TTC6: variants seen among roughly 807,000 people sequenced by gnomAD.
The protein encoded by TTC6 is tetratricopeptide repeat protein 6.
In TTC6, 172 loss-of-function variants were observed where a neutral mutation model predicts 210.4. The ratio of observed to expected loss-of-function variants is 0.82; its 90% CI spans 0.72 to 0.93. The LOEUF (loss-of-function observed/expected upper bound fraction) is 0.93, where lower values mean the gene tolerates loss of function less well. Among genes scored for constraint, TTC6 ranks in the 40% least tolerant of loss-of-function variants. TTC6 has a pLI of 0.00. For missense variants in TTC6, 2,414 were observed against 2,318.1 expected (o/e 1.04, Z -0.85); for synonymous variants, 804 against 819.6 (o/e 0.98, Z 0.32).
upstream of TTC6, among the ~76,000 whole-genome samples, chr14:37,619,080 T>C (rs1421301058): frequency 6.6e-6 from 1 of 152,196 alleles, no homozygotes; most frequent in African/African-American, 2.4e-5. Flanking sequence ...GGGGGGATTA[T>C]ACAGCATTTT....
At chr14:37,694,885 A>T (rs1343398830) in intron 3 of TTC6, among the ~76,000 whole-genome samples, 2 of 151,936 alleles carry the variant, frequency 1.3e-5, no homozygotes, top group Admixed American at 6.6e-5. Flanking sequence ...CTACAAAAAT[A>T]CAAAAATTAG....
chr14:37,643,733 C>T (rs1196895888), intron 1 of TTC6, among the ~76,000 whole-genome samples: 2 of 152,106 alleles, frequency 1.3e-5, no homozygotes, highest in African/African-American at 4.8e-5. Flanking sequence ...TATAATAAAG[C>T]CAGACCTCAT....
At chr14:37,710,685 A>G (rs1199214412) in intron 5 of TTC6, among the ~76,000 whole-genome samples, 2 of 152,184 alleles carry the variant, frequency 1.3e-5, no homozygotes, top group African/African-American at 4.8e-5. Flanking sequence ...AAGAGGAAAC[A>G]TAGCACAGTG....
chr14:37,712,729 A>G (rs559391964), intron 5 of TTC6, among the ~76,000 whole-genome samples: 1 of 152,288 alleles, frequency 6.6e-6, no homozygotes, highest in Non-Finnish European at 1.5e-5. Flanking sequence ...CATCACGAGA[A>G]CAGCACTATG....
intron 2 of TTC6, among the ~76,000 whole-genome samples, chr14:37,610,662 C>A (rs2139248126): frequency 6.6e-6 from 1 of 152,262 alleles, no homozygotes; most frequent in South Asian, 2.1e-4. Context: ...AACTAGCATC[C>A]CGACTGCCGT....
At position 37,666,073 on chromosome 14, in the gene TTC6, A is replaced by G. The variant is rs553135179; in HGVS notation, c.940-14078A>G. Reference sequence around the variant, plus strand: ...TGATTTTAGATCATCCATCTATATTATACTGCAACTTGCAAAAGCAGTGAT... The same window carrying G: ...TGATTTTAGATCATCCATCTATATTGTACTGCAACTTGCAAAAGCAGTGAT... On this transcript the variant is annotated intron_variant, in intron 1 of 30. Transcript: ENST00000553443. Among the ~76,000 whole-genome samples the G allele has an allele frequency of 1.9e-3, 294 of 150,798 alleles. 14 individuals are homozygous for G. Among genetic ancestry groups the G allele is most frequent in the Non-Finnish European group, 2.5e-3 (165 of 67,150 alleles).
intron 29 of TTC6, among the ~76,000 whole-genome samples, chr14:37,835,754 A>G (rs2096196355): frequency 6.6e-6 from 1 of 152,216 alleles, no homozygotes; most frequent in Non-Finnish European, 1.5e-5. Context: ...AGAGTGTAAC[A>G]ACATTAAGTC....
intron 1 of TTC6, among the ~76,000 whole-genome samples, chr14:37,599,033 C>A (rs973165038): frequency 1.3e-5 from 2 of 151,552 alleles, no homozygotes; most frequent in African/African-American, 4.9e-5. Flanking sequence ...TCAAAGCCGA[C>A]CCCAACTGGG....
At chr14:37,702,247 C>T (rs1370855753) in intron 5 of TTC6, among the ~76,000 whole-genome samples, 1 of 152,136 alleles carries the variant, frequency 6.6e-6, no homozygotes, top group Non-Finnish European at 1.5e-5. Flanking sequence ...AAGTTCTTAT[C>T]TCTTGATAGT....
chr14:37,719,024 A>G (rs80108809), intron 6 of TTC6, among the ~76,000 whole-genome samples: 1 of 152,126 alleles, frequency 6.6e-6, no homozygotes, highest in Non-Finnish European at 1.5e-5. Context: ...TACAAAAAAA[A>G]CCATGAATAA....
At chr14:37,623,747 C>A (rs34879326) in intron 1 of TTC6, among the ~76,000 whole-genome samples, 18,044 of 152,188 alleles carry the variant, frequency 0.12, 1,253 homozygotes, top group East Asian at 0.27. Flanking sequence ...ATCCAAGACA[C>A]TGAGCTGGAA....
chr14:37,784,886 T>A (rs982592600), intron 14 of TTC6, among the ~76,000 whole-genome samples: 40 of 152,312 alleles, frequency 2.6e-4, no homozygotes, highest in African/African-American at 7.2e-4. Context: ...TTTGAAGCTT[T>A]GTTTGGCTGG....
chr14:37,646,396 A>G (rs1282058106), intron 1 of TTC6, among the ~76,000 whole-genome samples: 3 of 151,852 alleles, frequency 2.0e-5, no homozygotes, highest in Admixed American at 1.3e-4. Flanking sequence ...ATCAGAACAT[A>G]TTCAGTTTCT....
chr14:37,624,744 C>T (rs894602310), intron 1 of TTC6, among the ~76,000 whole-genome samples: 4 of 152,030 alleles, frequency 2.6e-5, no homozygotes, highest in Non-Finnish European at 5.9e-5. Flanking sequence ...GCCTCAGCCT[C>T]CCAAGTAGCT....
chr14:37,689,965 C>A (rs1489491037), intron 3 of TTC6, among the ~76,000 whole-genome samples: 1 of 151,970 alleles, frequency 6.6e-6, no homozygotes, highest in East Asian at 1.9e-4. Flanking sequence ...AATAGAGAGA[C>A]TAAATGATTA....
chr14:37,702,388 AT>A (rs2095827201), intron 5 of TTC6, among the ~76,000 whole-genome samples: 1 of 152,010 alleles, frequency 6.6e-6, no homozygotes, highest in Non-Finnish European at 1.5e-5. Flanking sequence ...GATATACTGT[AT>A]ATCTGTTTAT....
At chr14:37,831,757 C>T (rs57707466) in intron 29 of TTC6, among the ~76,000 whole-genome samples, 1 of 31,398 alleles carries the variant, frequency 3.2e-5, no homozygotes, top group African/African-American at 5.6e-5. Context: ...CTTTTCAGAT[C>T]ATTGCCCACT....
chr14:37,816,909 T>C (rs1199661864), intron 25 of TTC6, among the ~76,000 whole-genome samples: 1 of 152,182 alleles, frequency 6.6e-6, no homozygotes, highest in Non-Finnish European at 1.5e-5. Flanking sequence ...GCAGGATCTC[T>C]TGTGGACTTA....
At chr14:37,772,586 C>G (rs1376679715) in intron 14 of TTC6, 3 of 153,070 alleles carry the variant, frequency 2.0e-5, no homozygotes, top group Admixed American at 6.5e-5. Context: ...GTCCGTCACC[C>G]CTTTCTTTGA....
Sources: allele counts gnomAD v4.1 joint callset (sites outside exome capture counted in the v4.1 genomes callset), GRCh38; gene constraint gnomAD v4.1.1; transcripts MANE v1.5; gene names NCBI Gene and HGNC (gene_info 2026-07-23, HGNC 2026-07-21).